Variants in TMLHE observed in about 807,000 individuals in gnomAD.
The protein encoded by TMLHE is trimethyllysine hydroxylase, epsilon, also known as trimethyllysine dioxygenase, mitochondrial.
TMLHE carries 18 observed loss-of-function variants against 25.7 expected under a neutral mutation model. The ratio of observed to expected loss-of-function variants is 0.70; its 90% CI spans 0.48 to 1.04. TMLHE has a LOEUF of 1.04. TMLHE is among the 50% of genes least tolerant of loss of function. TMLHE has a pLI of 0.00. For synonymous variants in TMLHE, 105 were observed against 97.0 expected, an observed-to-expected ratio of 1.08 and a Z score of -0.49; for missense variants, 236 against 259.0, an observed-to-expected ratio of 0.91 and a Z score of 0.61.
At chrX:155,533,354 T>C (rs782569371) in intron 2 of TMLHE, among the ~76,000 whole-genome samples, 16 of 97,310 alleles carry the variant, frequency 1.6e-4, no homozygotes, top group African/African-American at 5.5e-4. Flanking sequence ...CACACACACA[T>C]ACACATGCAC....
intron 1 of TMLHE, among the ~76,000 whole-genome samples, chrX:155,554,069 T>C (rs2124433741): frequency 9.1e-6 from 1 of 109,752 alleles, no homozygotes; most frequent in South Asian, 3.9e-4. Flanking sequence ...TGCAGTGGCA[T>C]GATCATGGCA....
intron 1 of TMLHE, among the ~76,000 whole-genome samples, chrX:155,548,690 G>GCACCA (rs2067385733): frequency 9.3e-6 from 1 of 107,854 alleles, no homozygotes; most frequent in Non-Finnish European, 1.9e-5. Context: ...AGCTGAGATT[G>GCACCA]TGCCACTGCA....
intron 4 of TMLHE, among the ~76,000 whole-genome samples, chrX:155,513,672 T>A (rs1264910210): frequency 9.1e-6 from 1 of 109,758 alleles, no homozygotes; most frequent in East Asian, 2.9e-4. Flanking sequence ...ATGGTAGAAC[T>A]CAGACTACTA....
At chrX:155,548,608 A>T (rs990948646) in intron 1 of TMLHE, among the ~76,000 whole-genome samples, 1 of 108,288 alleles carries the variant, frequency 9.2e-6, no homozygotes, top group Non-Finnish European at 1.9e-5. Flanking sequence ...GGTGGCACAC[A>T]CCTGTATTCC....
rs1426637732 is a variant in TMLHE, at chrX:155,533,867, C to T, written c.182-9235G>A. ...CCTTCTGACTGCTTACAGTAAAATGCGAGAAGAGATAAATGAATTGAAGAA... is the reference window on the plus strand; with the variant it reads ...CCTTCTGACTGCTTACAGTAAAATGTGAGAAGAGATAAATGAATTGAAGAA... On this transcript the variant is annotated intron_variant, in intron 2 of 7. Transcript: ENST00000334398. 7.2e-5 allele frequency among the ~76,000 whole-genome samples: 8 copies of T among 111,337 alleles called. No individual in the cohort carries two copies. In the East Asian group the frequency reaches 8.5e-4, roughly 12 times the overall value.
rs141007539 is a variant in TMLHE, at chrX:155,594,061, G to A, written c.-2+18731C>T. On this transcript the variant is annotated intron_variant, in intron 1 of 7. Coordinates refer to ENST00000334398, the MANE Select transcript of TMLHE (RefSeq NM_018196.4). Reference sequence around the variant, plus strand: ...TAAAACCTTTCCAAATCTGGGGGAAGATGCCAAAAGTCTGGCAAAGGAAGC... The same window carrying A: ...TAAAACCTTTCCAAATCTGGGGGAAAATGCCAAAAGTCTGGCAAAGGAAGC... Among the ~76,000 whole-genome samples, 768 of 111,752 alleles carry A rather than the reference G, an allele frequency of 6.9e-3. 6 individuals are homozygous for A. The highest frequency in any genetic ancestry group is 0.024 in the African/African-American group (727 of 30,721).
At chrX:155,550,914 A>G (rs1475807891) in intron 1 of TMLHE, among the ~76,000 whole-genome samples, 8 of 111,063 alleles carry the variant, frequency 7.2e-5, no homozygotes, top group Non-Finnish European at 1.5e-4. Context: ...CTTGACAACT[A>G]ACAAATTATT....
intron 1 of TMLHE, among the ~76,000 whole-genome samples, chrX:155,547,394 C>T (rs111592891): frequency 2.7e-5 from 3 of 111,247 alleles, no homozygotes; most frequent in Non-Finnish European, 5.7e-5. Flanking sequence ...TCCGCCGCCT[C>T]AGCCTCCCAA....
intron 1 of TMLHE, among the ~76,000 whole-genome samples, chrX:155,576,039 GA>G (rs1216447828): frequency 2.7e-5 from 3 of 111,460 alleles, no homozygotes; most frequent in African/African-American, 9.8e-5. Context: ...ATCCAAATAG[GA>G]AGAGAGGAAG....
chrX:155,578,109 A>G (rs1341649766), intron 1 of TMLHE, among the ~76,000 whole-genome samples: 1 of 111,408 alleles, frequency 9.0e-6, no homozygotes, highest in East Asian at 2.8e-4. Context: ...CCCAAGGAAA[A>G]GTTGTACTAG....
intron 1 of TMLHE, among the ~76,000 whole-genome samples, chrX:155,553,030 C>A: frequency 9.1e-6 from 1 of 110,436 alleles, no homozygotes; most frequent in East Asian, 2.8e-4. Flanking sequence ...TAATTTATTT[C>A]TTGTTTTCTA....
chrX:155,556,874 A>G (rs1298031072), intron 1 of TMLHE, among the ~76,000 whole-genome samples: 1 of 111,811 alleles, frequency 8.9e-6, no homozygotes, highest in Non-Finnish European at 1.9e-5. Flanking sequence ...ACCTACCCCT[A>G]GGTGCGCATT....
chrX:155,515,294 T>C (rs1408170154), intron 3 of TMLHE, among the ~76,000 whole-genome samples: 1 of 110,981 alleles, frequency 9.0e-6, no homozygotes, highest in Non-Finnish European at 1.9e-5. Flanking sequence ...AAATTAAATT[T>C]TATCATTTTA....
chrX:155,595,522 C>T (rs1190029411), intron 1 of TMLHE, among the ~76,000 whole-genome samples: 1 of 111,912 alleles, frequency 8.9e-6, no homozygotes, highest in Non-Finnish European at 1.9e-5. Context: ...TGTTTAGTTA[C>T]TTGATATGTA....
intron 1 of TMLHE, among the ~76,000 whole-genome samples, chrX:155,607,816 T>A (rs1363843992): frequency 9.1e-6 from 1 of 109,694 alleles, no homozygotes; most frequent in Non-Finnish European, 1.9e-5. Flanking sequence ...ACAATAGACA[T>A]AAAAAAAATA....
At chrX:155,505,579 C>G (rs782304811) in intron 6 of TMLHE, among the ~76,000 whole-genome samples, 2 of 111,679 alleles carry the variant, frequency 1.8e-5, no homozygotes, top group East Asian at 5.6e-4. Context: ...TGAACTCCTT[C>G]TGATTACAAA....
chrX:155,530,855 A>G (rs1447847758), intron 2 of TMLHE, among the ~76,000 whole-genome samples: 2 of 112,324 alleles, frequency 1.8e-5, no homozygotes, highest in African/African-American at 6.5e-5. Flanking sequence ...AACCAAGAAA[A>G]CCGGCAGCTT....
At chrX:155,581,188 C>G (rs1340104568) in intron 1 of TMLHE, among the ~76,000 whole-genome samples, 1 of 111,191 alleles carries the variant, frequency 9.0e-6, no homozygotes, top group Non-Finnish European at 1.9e-5. Context: ...ATAATAAGAG[C>G]TATTTATGAC....
chrX:155,609,416 C>T (rs892802257), intron 1 of TMLHE, among the ~76,000 whole-genome samples: 1 of 111,031 alleles, frequency 9.0e-6, no homozygotes, highest in Non-Finnish European at 1.9e-5. Context: ...GGGTGAGGAT[C>T]AAAAAACTAT....
Sources: gnomAD v4.1 joint callset for allele counts (sites outside exome capture counted in the v4.1 genomes callset) on GRCh38, gnomAD v4.1.1 for gene constraint, MANE v1.5 for transcripts, NCBI Gene and HGNC (gene_info 2026-07-23, HGNC 2026-07-21) for gene names.